Variants in RPTOR observed in about 807,000 individuals in gnomAD.
RPTOR encodes the protein regulatory associated protein of MTOR complex 1.
In RPTOR, 21 loss-of-function variants were observed where a neutral mutation model predicts 169.9. The observed-to-expected ratio is 0.12, with a 90% CI of 0.09 to 0.18. The LOEUF (loss-of-function observed/expected upper bound fraction) is 0.18. RPTOR is among the 10% of genes least tolerant of loss of function. The pLI, the probability that RPTOR is intolerant of heterozygous loss-of-function variation, is 1.00. For synonymous variants in RPTOR, 732 were observed against 753.2 expected (o/e 0.97, Z 0.46); for missense variants, 1,133 against 1,855.9 (o/e 0.61, Z 7.16).
Position 80,878,355 on chromosome 17 carries a change from T to TC in RPTOR, c.1510-2060_1510-2059insC, listed in dbSNP as rs2068146381. Among the ~76,000 whole-genome samples, 2 of 152,152 alleles carry TC rather than the reference T, an allele frequency of 1.3e-5. No homozygotes were observed. Among genetic ancestry groups the TC allele is most frequent in the Admixed American group, 6.5e-5 (1 of 15,286 alleles). On this transcript the variant is annotated intron_variant, in intron 13 of 33. Coordinates refer to ENST00000306801, the MANE Select transcript of RPTOR (RefSeq NM_020761.3). This position sits in a 1 kb window ranked among gnomAD's most constrained non-coding sequence, Gnocchi z 4.1. ...TGACTCCACGACCTGAGCACAGATT[T>TC]TTTTTTTTTGAGACGTAGTCTTGCT...
chr17:80,553,997 C>T (rs1402454941), intron 1 of RPTOR, among the ~76,000 whole-genome samples: 3 of 152,124 alleles, frequency 2.0e-5, no homozygotes, highest in Middle Eastern at 3.2e-3. Context: ...CTGCCTTGGC[C>T]TCCTAAAGTG....
chr17:80,564,155 C>T lies in RPTOR; in HGVS notation c.162+18364C>T, dbSNP rs138961488. On this transcript the variant is annotated intron_variant, in intron 1 of 33. Coordinates refer to ENST00000306801, the MANE Select transcript of RPTOR (RefSeq NM_020761.3). The stretch of plus-strand genomic sequence containing the variant: ...TGGGCTCACTACAAGCTCTGCCTCC[C>T]GAGTTCACGTCATTCTCCTGCCTCA... 3.5e-3 allele frequency among the ~76,000 whole-genome samples: 537 copies of T among 152,084 alleles called. 2 individuals are homozygous for T. Among genetic ancestry groups the T allele is most frequent in the African/African-American group, 0.012 (517 of 41,496 alleles).
At chr17:80,558,115 T>G (rs1292531738) in intron 1 of RPTOR, among the ~76,000 whole-genome samples, 1 of 151,182 alleles carries the variant, frequency 6.6e-6, no homozygotes, top group African/African-American at 2.4e-5. Flanking sequence ...GACTGGGCAA[T>G]GTGGTGAAAC....
chr17:80,786,907 C>T (rs1195977675), intron 6 of RPTOR, among the ~76,000 whole-genome samples: 1 of 152,210 alleles, frequency 6.6e-6, no homozygotes, highest in Non-Finnish European at 1.5e-5. Flanking sequence ...TGCTTCATGC[C>T]ACACTCATCA....
intron 10 of RPTOR, among the ~76,000 whole-genome samples, chr17:80,842,639 G>A (rs148876213): frequency 2.6e-5 from 4 of 152,318 alleles, no homozygotes; most frequent in East Asian, 1.9e-4. Context: ...GTATTTACCC[G>A]ATGGTTAATA....
At chr17:80,797,196 C>T (rs1050068995) in intron 7 of RPTOR, among the ~76,000 whole-genome samples, 1 of 152,128 alleles carries the variant, frequency 6.6e-6, no homozygotes, top group Non-Finnish European at 1.5e-5. Flanking sequence ...GCAGTGGTGC[C>T]GTCTCAGCTC....
rs1168236387 is a variant in RPTOR, at chr17:80,878,757, A to G, written c.1510-1658A>G. Among the ~76,000 whole-genome samples, 1 of 152,166 alleles carries G rather than the reference A, an allele frequency of 6.6e-6. No individual in the cohort carries two copies. Among genetic ancestry groups the G allele is most frequent in the Non-Finnish European group, 1.5e-5 (1 of 68,028 alleles). On this transcript the variant is annotated intron_variant, in intron 13 of 33. Transcript: ENST00000306801. The surrounding 1 kb of genome is among the most constrained non-coding windows in gnomAD (Gnocchi z 4.1). The stretch of plus-strand genomic sequence containing the variant: ...GCCCCTTTTCCTCGGGTTTTGGGCA[A>G]ATACTTCCCGAAGTATTATCGTTAC...
intron 2 of RPTOR, among the ~76,000 whole-genome samples, chr17:80,630,533 C>T (rs2065434180): frequency 1.3e-5 from 2 of 152,208 alleles, no homozygotes; most frequent in South Asian, 4.1e-4. Context: ...CTCAGGAAAA[C>T]CTCAGTTTGG....
At chr17:80,648,136 A>G (rs2143611001) in intron 3 of RPTOR, among the ~76,000 whole-genome samples, 1 of 152,262 alleles carries the variant, frequency 6.6e-6, no homozygotes, top group South Asian at 2.1e-4. Context: ...ATTGCATTTT[A>G]ATGTAAATGA....
chr17:80,631,950 A>C (rs543193106), intron 2 of RPTOR, among the ~76,000 whole-genome samples: 2 of 152,266 alleles, frequency 1.3e-5, no homozygotes, highest in South Asian at 4.1e-4. Flanking sequence ...AAAAACCCCA[A>C]ATTCTTCTCA....
intron 3 of RPTOR, among the ~76,000 whole-genome samples, chr17:80,650,777 A>T (rs1447781969): frequency 6.6e-6 from 1 of 152,114 alleles, no homozygotes; most frequent in Non-Finnish European, 1.5e-5. Context: ...GGCCCCTCCC[A>T]GAACATTCTG....
At chr17:80,596,057 A>G (rs1269365814) in intron 1 of RPTOR, among the ~76,000 whole-genome samples, 1 of 152,218 alleles carries the variant, frequency 6.6e-6, no homozygotes, top group African/African-American at 2.4e-5. Flanking sequence ...GAACGTGCTT[A>G]TTAGCGTGGA....
intron 1 of RPTOR, among the ~76,000 whole-genome samples, chr17:80,587,934 C>T (rs2065075441): frequency 6.6e-6 from 1 of 152,154 alleles, no homozygotes; most frequent in South Asian, 2.1e-4. Flanking sequence ...CCTACCCCTT[C>T]CACCCACTAA....
At chr17:80,625,440 A>G (rs895382887) in intron 1 of RPTOR, among the ~76,000 whole-genome samples, 3 of 152,152 alleles carry the variant, frequency 2.0e-5, no homozygotes, top group African/African-American at 7.2e-5. Context: ...ATCATAAGGA[A>G]GCCTGAGAAT....
chr17:80,746,389 G>C lies in RPTOR; in HGVS notation c.655-7621G>C, dbSNP rs2066575525. ...GCTTTCTGCAGGGAGCGGACGGCAGGCCTGGGGCGTGCTGCCCGCTTACCT... is the reference window on the plus strand; with the variant it reads ...GCTTTCTGCAGGGAGCGGACGGCAGCCCTGGGGCGTGCTGCCCGCTTACCT... On this transcript the variant is annotated intron_variant, in intron 5 of 33. Transcript: ENST00000306801. The surrounding 1 kb of genome is among the most constrained non-coding windows in gnomAD (Gnocchi z 4.5). 6.6e-6 allele frequency among the ~76,000 whole-genome samples: 1 copy of C among 152,190 alleles called. No homozygotes were observed. Among genetic ancestry groups the C allele is most frequent in the South Asian group, 2.1e-4 (1 of 4,832 alleles).
intron 30 of RPTOR, among the ~76,000 whole-genome samples, 197 bp from the exon 31 acceptor site, chr17:80,961,196 CA>C (rs528110884): frequency 2.1e-3 from 313 of 152,336 alleles, no homozygotes; most frequent in Non-Finnish European, 3.9e-3. Context: ...GGGGAGGACA[CA>C]GGGGGTCTCT....
In RPTOR at chr17:80,659,381, G is replaced by C. The variant is rs2065703854; in HGVS notation, c.348+15571G>C. ...GGCTCTCGCTCTGTCACCCAGGCTGGGGTGCAGTGGTGCAATCACGGGTCA... is the reference window on the plus strand; with the variant it reads ...GGCTCTCGCTCTGTCACCCAGGCTGCGGTGCAGTGGTGCAATCACGGGTCA... On this transcript the variant is annotated intron_variant, in intron 3 of 33. Coordinates refer to ENST00000306801, the MANE Select transcript of RPTOR (RefSeq NM_020761.3). The surrounding 1 kb of genome is among the most constrained non-coding windows in gnomAD (Gnocchi z 4.3). Among the ~76,000 whole-genome samples the C allele has an allele frequency of 6.6e-6, 1 of 152,138 alleles. No individual in the cohort carries two copies. Among genetic ancestry groups the C allele is most frequent in the Non-Finnish European group, 1.5e-5 (1 of 68,014 alleles).
At chr17:80,665,447 C>T (rs1318963280) in intron 3 of RPTOR, among the ~76,000 whole-genome samples, 3 of 21,960 alleles carry the variant, frequency 1.4e-4, no homozygotes, top group South Asian at 1.0e-3. Context: ...CCTTTCCTTT[C>T]CTTTCCTTTC....
At chr17:80,644,527 G>A (rs2065578554) in intron 3 of RPTOR, among the ~76,000 whole-genome samples, 1 of 152,130 alleles carries the variant, frequency 6.6e-6, no homozygotes, top group Non-Finnish European at 1.5e-5. Context: ...CCTATATTCA[G>A]CTTTGCATGA....
Sources: allele counts gnomAD v4.1 joint callset (sites outside exome capture counted in the v4.1 genomes callset), GRCh38; gene constraint gnomAD v4.1.1; non-coding constraint Gnocchi (gnomAD v3.1); transcripts MANE v1.5; gene names NCBI Gene and HGNC (gene_info 2026-07-23, HGNC 2026-07-21).